Variants in KIAA1549 observed in about 807,000 individuals in gnomAD.
KIAA1549 encodes the protein KIAA1549.
Under a neutral mutation model 156.4 loss-of-function variants are expected in KIAA1549, and 70 were observed. The observed-to-expected ratio is 0.45, with a 90% CI of 0.37 to 0.55. KIAA1549 has a LOEUF of 0.55. Ranked by LOEUF, KIAA1549 falls within the 20% of genes least tolerant of loss-of-function variation. KIAA1549 has a pLI of 0.00. For missense variants in KIAA1549, 2,428 were observed against 2,540.9 expected, an observed-to-expected ratio of 0.96 and a Z score of 0.96; for synonymous variants, 1,103 against 1,066.4, an observed-to-expected ratio of 1.03 and a Z score of -0.67.
chr7:138,856,904 A>G lies in KIAA1549; in HGVS notation c.5247+4235T>C, dbSNP rs147244147. ...GTGGACAGTAAGGCAGCCCTCCCCA[A>G]TATGGGCAGGCATCTTCCAATCTGT... On this transcript the variant is annotated intron_variant, in intron 16 of 19. Coordinates refer to ENST00000422774, the MANE Select transcript of KIAA1549 (RefSeq NM_001164665.2). Among the ~76,000 whole-genome samples the G allele has an allele frequency of 2.3e-3, 353 of 152,292 alleles. 1 individual carries two copies. Among genetic ancestry groups the G allele is most frequent in the African/African-American group, 7.7e-3 (322 of 41,574 alleles).
rs1361558715 is a variant in KIAA1549, at chr7:138,899,114, GCCT to G, written c.3685_3687del (p.Arg1229del). The G allele has an allele frequency of 6.2e-7, 1 of 1,613,718 alleles. No individual in the cohort carries two copies. ...TGTACCGGATTGTCATCTCCCTCCA[GCCT>G]CGACACATTTACCACCTGAAAGATA... On this transcript the variant is annotated inframe_deletion, in exon 9 of 20. Transcript: ENST00000422774.
chr7:138,975,956 C>A (rs1584796363), intron 1 of KIAA1549, among the ~76,000 whole-genome samples: 1 of 152,168 alleles, frequency 6.6e-6, no homozygotes, highest in South Asian at 2.1e-4. Flanking sequence ...AGCAGCTGTT[C>A]CCAAACGGGC....
chr7:138,912,023 T>C (rs1812184082), intron 3 of KIAA1549, among the ~76,000 whole-genome samples: 1 of 152,162 alleles, frequency 6.6e-6, no homozygotes, highest in African/African-American at 2.4e-5. Context: ...CACTCTAACG[T>C]CTAATTTAAA....
chr7:138,891,764 A>G (rs1811554184), intron 10 of KIAA1549, among the ~76,000 whole-genome samples: 1 of 152,100 alleles, frequency 6.6e-6, no homozygotes, highest in Non-Finnish European at 1.5e-5. Flanking sequence ...ACGGAGAGAG[A>G]GACAACAGCC....
chr7:138,960,695 C>T (rs1324591231), intron 1 of KIAA1549, among the ~76,000 whole-genome samples: 1 of 152,164 alleles, frequency 6.6e-6, no homozygotes, highest in South Asian at 2.1e-4. Context: ...CAGGCTGGAG[C>T]CCAGGCTGCC....
chr7:138,929,305 C>T (rs1212699780), intron 1 of KIAA1549, among the ~76,000 whole-genome samples: 3 of 152,238 alleles, frequency 2.0e-5, no homozygotes, highest in Non-Finnish European at 4.4e-5. Flanking sequence ...TTCACCAGCA[C>T]TAGGTTCCAT....
In KIAA1549 at chr7:138,833,918, A is replaced by C. The variant is rs1376577722; in HGVS notation, c.*3988T>G. ...CTTCCTTCTCTTCTGAAACTCCCTC[A>C]ATAGTGCAGTCGGGGATTCTGTCCC... On this transcript the variant is annotated 3_prime_UTR_variant, in exon 20 of 20. Transcript: ENST00000422774. 8.6e-6 allele frequency: 2 copies of C among 232,210 alleles called. No homozygotes were observed. The highest frequency in any genetic ancestry group is 1.7e-5 in the Non-Finnish European group (2 of 117,510). 14.4% of individuals were successfully genotyped at this position (232,210 alleles called of 1,614,324 possible).
intron 1 of KIAA1549, among the ~76,000 whole-genome samples, chr7:138,927,378 C>T (rs1174605228): frequency 4.6e-5 from 7 of 152,236 alleles, no homozygotes; most frequent in East Asian, 1.9e-4. Context: ...CAGTGGCTCA[C>T]GCCTATAATC....
chr7:138,853,720 A>C (rs1378703127), intron 16 of KIAA1549, among the ~76,000 whole-genome samples: 1 of 152,176 alleles, frequency 6.6e-6, no homozygotes. Context: ...AAAACAAGGG[A>C]AAGAGGGTTA....
chr7:138,907,448 G>A (rs1408478848), intron 5 of KIAA1549, among the ~76,000 whole-genome samples: 2 of 152,312 alleles, frequency 1.3e-5, no homozygotes, highest in East Asian at 1.9e-4. Flanking sequence ...GATGAAGAAA[G>A]GATGGGATTG....
In KIAA1549 at chr7:138,840,248, C is replaced by A. The variant is rs1584979072; in HGVS notation, c.5483G>T (p.Gly1828Val). ...CTGAGCTCCAATTCTGCTGGCAATC[C>A]CCACCTGTGTCAGGTGCTGGATCTG... is the stretch of plus-strand genomic sequence containing the variant. ...GSQIQHLTQVGIASRIGAQPV... is the reference protein window; with the variant it reads ...GSQIQHLTQVVIASRIGAQPV... The change falls in exon 19 of 20, where the codon GGG becomes GTG. Residue 1828 changes from glycine (G) to valine (V), a missense_variant. Physicochemically the swap from Gly to Val is moderately radical, Grantham distance 109 (BLOSUM62 -3). This residue lies in a region of KIAA1549 where 363 missense variants were observed against 354.0 expected (regional missense o/e 1.03). Transcript: ENST00000422774. 1.3e-6 allele frequency: 2 copies of A among 1,594,968 alleles called. No individual in the cohort carries two copies. Among genetic ancestry groups the A allele is most frequent in the African/African-American group, 1.3e-5 (1 of 74,706 alleles).
At chr7:138,861,546 A>G (rs1379059194) in intron 15 of KIAA1549, 90 bp from the exon 16 acceptor site, 125 of 1,054,110 alleles carry the variant, frequency 1.2e-4, no homozygotes, top group Admixed American at 2.1e-4. Flanking sequence ...AAGTTCTATC[A>G]TAAGAATTAA....
At chr7:138,954,687 C>T (rs1813610655) in intron 1 of KIAA1549, among the ~76,000 whole-genome samples, 1 of 152,170 alleles carries the variant, frequency 6.6e-6, no homozygotes, top group Non-Finnish European at 1.5e-5. Flanking sequence ...AGACCACCCT[C>T]CAGGCTCACG....
At chr7:138,867,028 C>G (rs1810766143) in intron 15 of KIAA1549, among the ~76,000 whole-genome samples, 1 of 152,120 alleles carries the variant, frequency 6.6e-6, no homozygotes, top group Non-Finnish European at 1.5e-5. Flanking sequence ...GTCTCCAACA[C>G]CTGGGCTCAA....
intron 1 of KIAA1549, among the ~76,000 whole-genome samples, chr7:138,933,706 C>T (rs543903860): frequency 1.3e-5 from 2 of 152,242 alleles, no homozygotes; most frequent in South Asian, 4.1e-4. Context: ...TGGCTCATGC[C>T]TGTAATCCCA....
chr7:138,844,419 G>A lies in KIAA1549; in HGVS notation c.5350C>T (p.Gln1784Ter). ...QSTELVPPDPQQPQASAEAPF... is the reference protein window; with the variant it reads ...QSTELVPPDP The stretch of plus-strand genomic sequence containing the variant: ...GCTTCGGCGGAGGCCTGTGGCTGCT[G>A]AGGGTCAGGGGGCACCAGCTCTGTA... Residue 1784 changes from glutamine (Q) to a stop codon, truncating the protein, a stop_gained, in exon 18 of 20, where the codon CAG (glutamine) becomes TAG (stop). Transcript: ENST00000422774. LOFTEE classifies it high-confidence loss of function. The A allele has an allele frequency of 6.3e-7, 1 of 1,596,848 alleles. No homozygotes were observed. Among genetic ancestry groups the A allele is most frequent in the Non-Finnish European group, 8.5e-7 (1 of 1,171,718 alleles).
chr7:138,911,372 G>A (rs373250021), intron 3 of KIAA1549, 49 bp from the exon 4 acceptor site: 1 of 1,359,160 alleles, frequency 7.4e-7, no homozygotes, highest in African/African-American at 1.5e-5. Context: ...AGGAAGTTGT[G>A]TTACACAGAA....
intron 1 of KIAA1549, among the ~76,000 whole-genome samples, chr7:138,950,152 T>C (rs1212545677): frequency 6.6e-6 from 1 of 152,222 alleles, no homozygotes. Flanking sequence ...GGTCATGTTC[T>C]GTTTCTTGAT....
At chr7:138,930,900 T>C (rs11773609) in intron 1 of KIAA1549, among the ~76,000 whole-genome samples, 77,989 of 152,168 alleles carry the variant, frequency 0.51, 23,656 homozygotes, top group African/African-American at 0.86. Flanking sequence ...TGGCTTTTGA[T>C]GTGTCTTCCT....
Sources: gnomAD v4.1 joint callset for allele counts (sites outside exome capture counted in the v4.1 genomes callset) on GRCh38, gnomAD v4.1.1 for gene constraint, gnomAD v4.1.1 regional missense constraint, MANE v1.5 for transcripts, NCBI Gene and HGNC (gene_info 2026-07-23, HGNC 2026-07-21) for gene names.